Variants in EXD3 observed in about 807,000 individuals in gnomAD.
The protein encoded by EXD3 is exonuclease 3'-5' domain containing 3.
A neutral mutation model predicts 98.0 loss-of-function variants in EXD3; 92 were observed. That is an observed-to-expected ratio of 0.94 (90% CI 0.79 to 1.12). The LOEUF is 1.12. Ranked by LOEUF, EXD3 falls within the 50% of genes most tolerant of loss-of-function variation. The pLI is 0.00. For synonymous variants in EXD3, 569 were observed against 526.0 expected (o/e 1.08, Z -1.12); for missense variants, 1,222 against 1,191.6 (o/e 1.03, Z -0.38).
intron 17 of EXD3, among the ~76,000 whole-genome samples, chr9:137,340,169 T>G (rs1833570214): frequency 6.6e-6 from 1 of 152,182 alleles, no homozygotes; most frequent in African/African-American, 2.4e-5. Context: ...AAGATCTTTA[T>G]GGAAGTTATT....
At chr9:137,352,030 A>G (rs1401724052) in intron 12 of EXD3, 36 bp downstream of exon 12, 1 of 1,579,968 alleles carries the variant, frequency 6.3e-7, no homozygotes. Flanking sequence ...GGGGGATCCC[A>G]CCACCGGGCG....
intron 19 of EXD3, among the ~76,000 whole-genome samples, chr9:137,312,650 T>G (rs1831426642): frequency 6.6e-6 from 1 of 151,824 alleles, no homozygotes; most frequent in Admixed American, 6.6e-5. Flanking sequence ...GCCCCAGAGC[T>G]GGCCATCTGG....
In EXD3 at chr9:137,356,037, G is replaced by C. The variant is rs139005121; in HGVS notation, c.757+231C>G. Among the ~76,000 whole-genome samples, 363 of 152,334 alleles carry C rather than the reference G, an allele frequency of 2.4e-3. 1 individual carries two copies. The highest frequency in any genetic ancestry group is 3.8e-3 in the Admixed American group (58 of 15,296). On this transcript the variant is annotated intron_variant, in intron 8 of 21. Coordinates refer to ENST00000340951, the MANE Select transcript of EXD3 (RefSeq NM_017820.5). ...AGGAAGCCCTCCCGGAGCCGCCTAG[G>C]TGGGCAGAGGAGCTCATAGACCCGT... is the stretch of plus-strand genomic sequence containing the variant.
rs900002292 is a variant in EXD3 at position 137,347,711 on chromosome 9, TG to T, written c.1998+359del. 6.6e-6 allele frequency among the ~76,000 whole-genome samples: 1 copy of T among 152,058 alleles called. No individual in the cohort carries two copies. The highest frequency in any genetic ancestry group is 2.4e-5 in the African/African-American group (1 of 41,414). ...CACCCACCTCGGCCTCCCAAGGTGC[TG>T]GGATTATAGGCATGAGCCACTGCGT... On this transcript the variant is annotated intron_variant, in intron 17 of 21. Transcript: ENST00000340951. This position sits in a 1 kb window ranked among gnomAD's most constrained non-coding sequence, Gnocchi z 4.2.
intron 17 of EXD3, among the ~76,000 whole-genome samples, chr9:137,339,666 A>C (rs981840710): frequency 6.6e-6 from 1 of 152,226 alleles, no homozygotes; most frequent in Non-Finnish European, 1.5e-5. Context: ...TAACCTTATG[A>C]GTATCTGAAA....
chr9:137,326,914 C>G (rs1832433118), intron 17 of EXD3, among the ~76,000 whole-genome samples: 1 of 151,728 alleles, frequency 6.6e-6, no homozygotes, highest in Non-Finnish European at 1.5e-5. Context: ...TTCGTAGCAG[C>G]CACATTCAAA....
At chr9:137,368,737 TG>T (rs1835410311) in intron 5 of EXD3, among the ~76,000 whole-genome samples, 1 of 151,702 alleles carries the variant, frequency 6.6e-6, no homozygotes, top group African/African-American at 2.4e-5. Context: ...GTGCGCAGGG[TG>T]GGGGCGCAGG....
Position 137,309,729 on chromosome 9 carries a change from A to C in EXD3, c.2185-29T>G, listed in dbSNP as rs1179691640. 2.0e-6 allele frequency: 3 copies of C among 1,525,478 alleles called. No homozygotes were observed. In the African/African-American group the frequency reaches 4.1e-5, roughly 21 times the overall value. 94.5% of individuals were successfully genotyped at this position (1,525,478 alleles called of 1,614,324 possible). A position where few individuals can be genotyped will look rare whatever the true frequency, so the allele number is the denominator to read the frequency against. On this transcript the variant is annotated intron_variant, in intron 19 of 21. Transcript: ENST00000340951. ...GGGGCCAGAGGGGGTGCTGAGGCCC[A>C]GGCGGGGCTTCTCCGGGTGCCCCAT...
At chr9:137,410,574 A>C (rs1045750253) in intron 1 of EXD3, among the ~76,000 whole-genome samples, 17 of 152,046 alleles carry the variant, frequency 1.1e-4, no homozygotes, top group South Asian at 4.1e-4. Context: ...AATTGTTGCC[A>C]TGAGTCCTGT....
At chr9:137,377,584 G>A (rs1835977198) in intron 3 of EXD3, among the ~76,000 whole-genome samples, 2 of 151,584 alleles carry the variant, frequency 1.3e-5, no homozygotes, top group African/African-American at 4.8e-5. Context: ...GACCAGACGT[G>A]CTGATGCGCA....
At chr9:137,316,188 G>A (rs1287014534) in intron 19 of EXD3, among the ~76,000 whole-genome samples, 1 of 151,816 alleles carries the variant, frequency 6.6e-6, no homozygotes, top group East Asian at 1.9e-4. Flanking sequence ...GGGAAAGTGG[G>A]AGGAGGGGCG....
intron 1 of EXD3, among the ~76,000 whole-genome samples, chr9:137,400,571 G>C (rs1290430027): frequency 6.6e-6 from 1 of 152,074 alleles, no homozygotes; most frequent in African/African-American, 2.4e-5. Flanking sequence ...TTTGAGACCA[G>C]CCTGACCAAC....
intron 1 of EXD3, among the ~76,000 whole-genome samples, chr9:137,397,046 C>T (rs189342089): frequency 5.3e-5 from 8 of 152,324 alleles, no homozygotes; most frequent in African/African-American, 1.4e-4. Context: ...GGAGGACCCC[C>T]GAGCCTCCCA....
At chr9:137,386,995 C>G (rs1446259581) in intron 2 of EXD3, among the ~76,000 whole-genome samples, 1 of 142,304 alleles carries the variant, frequency 7.0e-6, no homozygotes, top group Non-Finnish European at 1.5e-5. Flanking sequence ...TCCCTCAGCA[C>G]CCCCGCTCCC....
rs1414692212 is a variant in EXD3 at position 137,373,740 on chromosome 9, G to C, written c.121-141C>G. On this transcript the variant is annotated intron_variant, in intron 3 of 21. Coordinates refer to ENST00000340951, the MANE Select transcript of EXD3 (RefSeq NM_017820.5). ...CCATTCAGCCGCCATCTGCGCCTCC[G>C]TGACTTTTCATGCCGCCGTTCTGGT... The C allele has an allele frequency of 6.3e-6, 6 of 946,458 alleles. 1 individual carries two copies. The South Asian group carries it at 7.1e-5, about 11-fold the overall frequency. 58.6% of individuals were successfully genotyped at this position (946,458 alleles called of 1,614,324 possible).
chr9:137,387,674 C>T (rs1368965428), intron 2 of EXD3, among the ~76,000 whole-genome samples: 1 of 152,146 alleles, frequency 6.6e-6, no homozygotes, highest in Non-Finnish European at 1.5e-5. Context: ...GGATACCACG[C>T]AGGGGCACGG....
At chr9:137,391,760 G>A (rs1836926237) in intron 2 of EXD3, 1 of 152,284 alleles carries the variant, frequency 6.6e-6, no homozygotes, top group African/African-American at 2.4e-5. Context: ...CGAACCAGGT[G>A]GACGTGGGCA....
At chr9:137,364,415 G>A (rs186628904) in intron 7 of EXD3, among the ~76,000 whole-genome samples, 2,448 of 151,926 alleles carry the variant, frequency 0.016, 156 homozygotes, top group Admixed American at 0.11. Flanking sequence ...TGAGGTCAGG[G>A]GTTCGGGAGC....
At chr9:137,391,215 G>T (rs13302688) in intron 2 of EXD3, among the ~76,000 whole-genome samples, 66,593 of 152,196 alleles carry the variant, frequency 0.44, 14,956 homozygotes, top group Middle Eastern at 0.5. Flanking sequence ...CACGTTCACG[G>T]TGCATTACGA....
Sources: allele counts gnomAD v4.1 joint callset (sites outside exome capture counted in the v4.1 genomes callset), GRCh38; gene constraint gnomAD v4.1.1; non-coding constraint Gnocchi (gnomAD v3.1); transcripts MANE v1.5; gene names NCBI Gene and HGNC (gene_info 2026-07-23, HGNC 2026-07-21).